The following UGGT2 variants were observed in gnomAD, a reference collection of about 807,000 sequenced individuals.
UGGT2 encodes the protein UDP-glucose glycoprotein glucosyltransferase 2.
In UGGT2, 180 loss-of-function variants were observed where a neutral mutation model predicts 192.1. That is an observed-to-expected ratio of 0.94 (90% confidence interval 0.83 to 1.06). UGGT2 has a LOEUF of 1.06. UGGT2 is among the 50% of genes least tolerant of loss of function. The pLI is 0.00. For missense variants in UGGT2, 1,849 were observed against 1,795.7 expected, an observed-to-expected ratio of 1.03 and a Z score of -0.54; for synonymous variants, 580 against 591.0, an observed-to-expected ratio of 0.98 and a Z score of 0.27.
intron 5 of UGGT2, among the ~76,000 whole-genome samples, chr13:96,009,051 A>G (rs933777620): frequency 6.6e-6 from 1 of 152,230 alleles, no homozygotes; most frequent in African/African-American, 2.4e-5. Context: ...ACCTGCAGCC[A>G]TCTGATTTTT....
chr13:95,853,180 A>G (rs1019521383), intron 36 of UGGT2, among the ~76,000 whole-genome samples: 12 of 152,294 alleles, frequency 7.9e-5, no homozygotes, highest in South Asian at 2.1e-4. Context: ...AAGTTTCCTG[A>G]GGCCTCCCCA....
At chr13:95,951,477 G>C (rs1463159630) in intron 12 of UGGT2, among the ~76,000 whole-genome samples, 2 of 152,190 alleles carry the variant, frequency 1.3e-5, no homozygotes, top group Non-Finnish European at 2.9e-5. Flanking sequence ...GTGAGAATTT[G>C]GCAGCTCTTT....
intron 17 of UGGT2, among the ~76,000 whole-genome samples, chr13:95,933,359 T>C (rs1380503794): frequency 1.3e-5 from 2 of 152,340 alleles, no homozygotes; most frequent in South Asian, 4.1e-4. Context: ...TTTGTATGCA[T>C]AGAGGTCTTC....
At chr13:95,947,927 G>T in intron 14 of UGGT2, 69 bp downstream of exon 14, 1 of 1,339,368 alleles carries the variant, frequency 7.5e-7, no homozygotes, top group Non-Finnish European at 1.1e-6. Context: ...TTAATACTCT[G>T]TGTAACACAA....
intron 38 of UGGT2, among the ~76,000 whole-genome samples, chr13:95,821,688 GT>G (rs1320478964): frequency 5.3e-5 from 8 of 151,990 alleles, no homozygotes; most frequent in Non-Finnish European, 7.4e-5. Context: ...TGTCTAAAAT[GT>G]TTATGGTTAC....
At chr13:96,012,764 G>C (rs1193257298) in intron 5 of UGGT2, among the ~76,000 whole-genome samples, 3 of 146,432 alleles carry the variant, frequency 2.0e-5, no homozygotes, top group African/African-American at 7.6e-5. Flanking sequence ...GTGTGTGTGT[G>C]CATGTATGTG....
chr13:95,950,935 G>T (rs2050041310), intron 12 of UGGT2, among the ~76,000 whole-genome samples: 1 of 152,040 alleles, frequency 6.6e-6, no homozygotes, highest in Non-Finnish European at 1.5e-5. Context: ...AGGAATATAT[G>T]AAAAAGATCT....
intron 20 of UGGT2, among the ~76,000 whole-genome samples, chr13:95,920,732 A>G (rs2048819145): frequency 6.6e-6 from 1 of 152,210 alleles, no homozygotes; most frequent in Non-Finnish European, 1.5e-5. Context: ...ATGCTTAAAC[A>G]CAGTGGGAAT....
In UGGT2 at chr13:95,970,258, A is replaced by C. The variant is rs988782076; in HGVS notation, c.1189T>G (p.Leu397Val). 2 of 1,608,130 alleles carry C rather than the reference A, an allele frequency of 1.2e-6. No homozygotes were observed. Among genetic ancestry groups the C allele is most frequent in the African/African-American group, 2.7e-5 (2 of 74,530 alleles). Residue 397 changes from leucine (L) to valine (V), a missense_variant, in exon 12 of 39, where the codon TTG becomes GTG. Coordinates refer to ENST00000376747, the MANE Select transcript of UGGT2 (RefSeq NM_020121.4). ...DMDVYDAFSI[L>V]DMLKLEGKMM... ...TTTCCTTCTAATTTCAGCATATCCA[A>C]AATACTATATATTCAAAGAAAAAAC...
intron 36 of UGGT2, among the ~76,000 whole-genome samples, chr13:95,840,284 G>A (rs1354685020): frequency 6.6e-6 from 1 of 152,000 alleles, no homozygotes; most frequent in Non-Finnish European, 1.5e-5. Flanking sequence ...GAAAATTTTT[G>A]CAATCTATCC....
In UGGT2 at chr13:95,867,330, C is replaced by T; in HGVS notation, c.3558+9G>A. 2.5e-6 allele frequency: 4 copies of T among 1,596,322 alleles called. No individual in the cohort carries two copies. The highest frequency in any genetic ancestry group is 3.4e-6 in the Non-Finnish European group (4 of 1,172,214). On this transcript the variant is annotated intron_variant, in intron 30 of 38. Coordinates refer to ENST00000376747, the MANE Select transcript of UGGT2 (RefSeq NM_020121.4). ...AACAAAGCCTATAAAAAGTTCTGCC[C>T]CCACATACTTTTACTTTGAGTATCT...
chr13:95,932,755 G>C (rs889341135), intron 17 of UGGT2, among the ~76,000 whole-genome samples: 1 of 152,076 alleles, frequency 6.6e-6, no homozygotes, highest in African/African-American at 2.4e-5. Context: ...TTATTTTGAG[G>C]TATGTTCCTT....
intron 24 of UGGT2, among the ~76,000 whole-genome samples, chr13:95,891,486 G>A (rs990749814): frequency 7.2e-5 from 11 of 151,878 alleles, no homozygotes; most frequent in South Asian, 6.2e-4. Flanking sequence ...TGTCCTATCC[G>A]TTTTTATCTT....
intron 1 of UGGT2, among the ~76,000 whole-genome samples, chr13:96,037,018 C>T (rs2053024466): frequency 6.6e-6 from 1 of 152,166 alleles, no homozygotes; most frequent in African/African-American, 2.4e-5. Flanking sequence ...TGTATTTCTT[C>T]AAAAAATTCT....
chr13:95,869,822 T>C (rs1321280697), intron 29 of UGGT2, among the ~76,000 whole-genome samples: 1 of 152,190 alleles, frequency 6.6e-6, no homozygotes, highest in Non-Finnish European at 1.5e-5. Context: ...AAATAATTCA[T>C]ATTCTCAATG....
chr13:95,950,435 T>C (rs2050021808), intron 12 of UGGT2, among the ~76,000 whole-genome samples: 1 of 150,898 alleles, frequency 6.6e-6, no homozygotes, highest in Non-Finnish European at 1.5e-5. Flanking sequence ...TCACAAAGCC[T>C]AAAAACAAGC....
In UGGT2 at chr13:95,801,765, G is replaced by T; in HGVS notation, c.*25C>A. The stretch of plus-strand genomic sequence containing the variant: ...GCGGCAGGTTTCCTGTCATGCTTTC[G>T]CCTTCCTTCTCATATACACCAGTGC... On this transcript the variant is annotated 3_prime_UTR_variant, in exon 39 of 39. Coordinates refer to ENST00000376747, the MANE Select transcript of UGGT2 (RefSeq NM_020121.4). 1 of 1,609,756 alleles carries T rather than the reference G, an allele frequency of 6.2e-7. No homozygotes were observed. The highest frequency in any genetic ancestry group is 8.5e-7 in the Non-Finnish European group (1 of 1,178,060).
intron 10 of UGGT2, among the ~76,000 whole-genome samples, chr13:95,983,241 A>G (rs2051183079): frequency 6.6e-6 from 1 of 152,176 alleles, no homozygotes; most frequent in African/African-American, 2.4e-5. Context: ...AGTGAGAAAA[A>G]TGAACTCCTA....
At chr13:95,959,561 T>A (rs905391210) in intron 12 of UGGT2, among the ~76,000 whole-genome samples, 1 of 152,270 alleles carries the variant, frequency 6.6e-6, no homozygotes, top group South Asian at 2.1e-4. Flanking sequence ...TCCATTACCA[T>A]TGGCATCTGA....
Sources: gnomAD v4.1 joint callset for allele counts (sites outside exome capture counted in the v4.1 genomes callset) on GRCh38, gnomAD v4.1.1 for gene constraint, MANE v1.5 for transcripts, NCBI Gene and HGNC (gene_info 2026-07-23, HGNC 2026-07-21) for gene names.